Variants in ZNF276 observed in about 807,000 individuals in gnomAD.
The protein encoded by ZNF276 is centromere protein Z.
A neutral mutation model predicts 63.9 loss-of-function variants in ZNF276; 59 were observed. The ratio of observed to expected loss-of-function variants is 0.92; its 90% CI spans 0.75 to 1.15. ZNF276 has a LOEUF of 1.15. ZNF276 is among the 50% of genes most tolerant of loss of function. ZNF276 has a pLI of 0.00. For synonymous variants in ZNF276, 496 were observed against 348.4 expected (o/e 1.42, Z -4.72); for missense variants, 1,084 against 843.8 (o/e 1.28, Z -3.53).
Position 89,727,263 on chromosome 16 carries a change from G to C in ZNF276, c.1007-16G>C, listed in dbSNP as rs866685182. ...GCTCCGTGTTGGTAACAGGAGCCTT[G>C]TTCTTTGTTTCTCAGGGCAGTTGGG... On this transcript the variant is annotated splice_polypyrimidine_tract_variant and intron_variant, in intron 4 of 10. Coordinates refer to ENST00000443381, the MANE Select transcript of ZNF276 (RefSeq NM_001113525.2). 6.2e-7 allele frequency: 1 copy of C among 1,613,826 alleles called. No individual in the cohort carries two copies. Among genetic ancestry groups the C allele is most frequent in the African/African-American group, 1.3e-5 (1 of 74,918 alleles).
At position 89,723,366 on chromosome 16, in the gene ZNF276, C is replaced by T. The variant is rs1341453162; in HGVS notation, c.663C>T (p.Ser221=). 47 of 1,612,942 alleles carry T rather than the reference C, an allele frequency of 2.9e-5. No homozygotes were observed. The highest frequency in any genetic ancestry group is 1.6e-4 in the Middle Eastern group (1 of 6,084). ...GALPHLQRTL[S]SEYCGVIQVV... ...TGCCCCACCTTCAGAGGACACTGTC[C>T]TCCGAGTACTGCGGCGTCATCCAGG... The change falls in exon 4 of 11, where the codon TCC becomes TCT. Residue 221 remains serine (S), a synonymous_variant. Transcript: ENST00000443381.
In ZNF276 at chr16:89,723,729, G is replaced by GGT. The variant is rs759704520; in HGVS notation, c.1006+22_1006+23dup. The GGT allele has an allele frequency of 3.1e-6, 5 of 1,600,224 alleles. No homozygotes were observed. Among genetic ancestry groups the GGT allele is most frequent in the Non-Finnish European group, 4.3e-6 (5 of 1,173,430 alleles). ...CCCCAGGTAGGAGGCACCTCTTGCT[G>GGT]GTGCTAGACCAGGATGTGTGCTCCT... On this transcript the variant is annotated intron_variant, in intron 4 of 10. Transcript: ENST00000443381.
At chr16:89,724,715 G>A (rs899487310) in intron 4 of ZNF276, among the ~76,000 whole-genome samples, 17 of 152,298 alleles carry the variant, frequency 1.1e-4, no homozygotes, top group Admixed American at 9.2e-4. Flanking sequence ...TGCGGCTCGG[G>A]GGCCTCAGGT....
chr16:89,736,954 CGAAGA>C (rs1266272104), intron 9 of ZNF276, among the ~76,000 whole-genome samples: 1 of 152,022 alleles, frequency 6.6e-6, no homozygotes, highest in Non-Finnish European at 1.5e-5. Flanking sequence ...GGTTTCCCTT[CGAAGA>C]GAAAAGTCTG....
rs944748172 is a variant in ZNF276 at position 89,737,574 on chromosome 16, C to G, written c.1475-232C>G. 5.7e-6 allele frequency: 4 copies of G among 700,400 alleles called. No individual in the cohort carries two copies. The African/African-American group carries it at 7.2e-5, about 13-fold the overall frequency. 43.4% of individuals were successfully genotyped at this position (700,400 alleles called of 1,614,324 possible). On this transcript the variant is annotated intron_variant, in intron 9 of 10. Coordinates refer to ENST00000443381, the MANE Select transcript of ZNF276 (RefSeq NM_001113525.2). ...TTAAGGAAATAGCTTTCTGAGGTTT[C>G]TTTAAAAACCATCCTGAAATGCACA... is the stretch of plus-strand genomic sequence containing the variant.
intron 5 of ZNF276, among the ~76,000 whole-genome samples, chr16:89,728,169 C>T (rs898658071): frequency 5.3e-5 from 8 of 151,342 alleles, no homozygotes; most frequent in African/African-American, 1.5e-4. Context: ...GACACAAAAC[C>T]GCAGCTGAGG....
chr16:89,737,057 G>C (rs755764677), intron 9 of ZNF276, among the ~76,000 whole-genome samples: 9 of 152,166 alleles, frequency 5.9e-5, no homozygotes, highest in Admixed American at 1.3e-4. Flanking sequence ...TTGTGGACTA[G>C]CAAGTGAGAT....
intron 8 of ZNF276, 125 bp from the exon 9 acceptor site, chr16:89,733,796 C>A: frequency 2.1e-6 from 2 of 941,904 alleles, no homozygotes; most frequent in Non-Finnish European, 3.3e-6. Context: ...TGTGAAGGAG[C>A]CAGTGGTGTC....
chr16:89,736,838 G>A (rs72807547), intron 9 of ZNF276, among the ~76,000 whole-genome samples: 1,693 of 151,216 alleles, frequency 0.011, 18 homozygotes, highest in Admixed American at 0.018. Context: ...CTGGGAGGTG[G>A]AGTTTCCAGT....
In ZNF276 at chr16:89,738,258, A is replaced by G. The variant is rs750033857; in HGVS notation, c.*12A>G. The stretch of plus-strand genomic sequence containing the variant: ...CCGAACCCACCTGAGGACGGCAGTG[A>G]GGATGAGCACCTCTAGCAGCCTGGA... On this transcript the variant is annotated 3_prime_UTR_variant, in exon 11 of 11. Transcript: ENST00000443381. The G allele has an allele frequency of 4.4e-6, 7 of 1,587,982 alleles. No individual in the cohort carries two copies. Among genetic ancestry groups the G allele is most frequent in the Non-Finnish European group, 6.0e-6 (7 of 1,168,206 alleles).
At position 89,738,558 on chromosome 16, in the gene ZNF276, T is replaced by G. The variant is rs368670194; in HGVS notation, c.*312T>G. ...AGCTCCATGTTATGCTTGTAATAAA[T>G]TATTTACACGGGAGCTGGGCTGGTG... On this transcript the variant is annotated 3_prime_UTR_variant, in exon 11 of 11. Transcript: ENST00000443381. 6.2e-7 allele frequency: 1 copy of G among 1,612,308 alleles called. No individual in the cohort carries two copies. The highest frequency in any genetic ancestry group is 1.1e-5 in the South Asian group (1 of 91,014).
rs201494304 is a variant in ZNF276, at chr16:89,738,910, G to T, written c.*664G>T. 1.2e-6 allele frequency: 2 copies of T among 1,614,226 alleles called. No individual in the cohort carries two copies. Among genetic ancestry groups the T allele is most frequent in the Admixed American group, 3.3e-5 (2 of 60,024 alleles). ...TGCCACGTGTGAGAAGCTCTTTTTC[G>T]GGCACCGAGGTATTAACTGCAGCAG... is the stretch of plus-strand genomic sequence containing the variant. On this transcript the variant is annotated 3_prime_UTR_variant, in exon 11 of 11. Transcript: ENST00000443381.
In ZNF276 at chr16:89,721,678, G is replaced by A. The variant is rs1371245287; in HGVS notation, c.38G>A (p.Gly13Glu). The A allele has an allele frequency of 6.9e-7, 1 of 1,439,838 alleles. No homozygotes were observed. The highest frequency in any genetic ancestry group is 3.1e-5 in the East Asian group (1 of 32,776). 89.2% of individuals were successfully genotyped at this position (1,439,838 alleles called of 1,614,324 possible). ...RDRLGRFLSP[G>E]SSRQCGASDG... is the part of the protein sequence containing the mutation. ...CGGCTGGGCCGCTTCCTGTCTCCTG[G>A]GTCGTCCCGACAGTGCGGGGCCTCG... Residue 13 changes from glycine (G) to glutamate (E), a missense_variant, in exon 1 of 11, where the codon GGG (glycine) becomes GAG (glutamate). Coordinates refer to ENST00000443381, the MANE Select transcript of ZNF276 (RefSeq NM_001113525.2).
intron 6 of ZNF276, 133 bp downstream of exon 6, chr16:89,729,451 G>A (rs11640450): frequency 0.05 from 39,377 of 794,770 alleles, 1,472 homozygotes; most frequent in East Asian, 0.14. Flanking sequence ...CCAGTGAAAC[G>A]TGGCTTCCCT....
At chr16:89,727,475 C>T in intron 5 of ZNF276, 118 bp downstream of exon 5, 1 of 1,208,604 alleles carries the variant, frequency 8.3e-7, no homozygotes. Flanking sequence ...CTTCAAAAAC[C>T]AAACAGCCAT....
Position 89,740,466 on chromosome 16 carries a change from C to G in ZNF276, c.*2220C>G, listed in dbSNP as rs1304713989. ...GCCTGGCAATATGGTGAAACCCCGT[C>G]TCTACTAAAAATACAAAAATTAGCC... On this transcript the variant is annotated 3_prime_UTR_variant, in exon 11 of 11. Transcript: ENST00000443381. The G allele has an allele frequency of 1.1e-5, 5 of 460,394 alleles. No homozygotes were observed. The highest frequency in any genetic ancestry group is 3.9e-5 in the African/African-American group (2 of 51,022). 28.5% of individuals were successfully genotyped at this position (460,394 alleles called of 1,614,324 possible). A position where few individuals can be genotyped will look rare whatever the true frequency, so the allele number is the denominator to read the frequency against.
Position 89,723,631 on chromosome 16 carries a change from C to G in ZNF276, c.928C>G (p.Pro310Ala). The change falls in exon 4 of 11, where the codon CCT (proline) becomes GCT (alanine). Residue 310 changes from proline to alanine, a missense_variant. Coordinates refer to ENST00000443381, the MANE Select transcript of ZNF276 (RefSeq NM_001113525.2). ...KTLPSTDVAQ[P>A]PSDSDAVGPR... Reference sequence around the variant, plus strand: ...CCTGCCCAGCACGGATGTGGCCCAGCCTCCTTCGGACAGCGACGCGGTGGG... The same window carrying G: ...CCTGCCCAGCACGGATGTGGCCCAGGCTCCTTCGGACAGCGACGCGGTGGG... The G allele has an allele frequency of 6.2e-7, 1 of 1,612,734 alleles. No homozygotes were observed. The highest frequency in any genetic ancestry group is 8.5e-7 in the Non-Finnish European group (1 of 1,180,016).
chr16:89,740,059 G>C lies in ZNF276; in HGVS notation c.*1813G>C. On this transcript the variant is annotated 3_prime_UTR_variant, in exon 11 of 11. Transcript: ENST00000443381. ...CCTCTTCTCTAAACACTCGAGGATT[G>C]CTGCACAAACGTGGAAAGCCTTTGG... 1 of 1,614,186 alleles carries C rather than the reference G, an allele frequency of 6.2e-7. No individual in the cohort carries two copies. The highest frequency in any genetic ancestry group is 8.5e-7 in the Non-Finnish European group (1 of 1,180,038).
chr16:89,739,144 G>A lies in ZNF276; in HGVS notation c.*898G>A, dbSNP rs2062053882. ...GCCCTTGCACCTGCCTGACCCTTGA[G>A]CTCCAGGCTCCTGCCAGCTGGAGGT... On this transcript the variant is annotated 3_prime_UTR_variant, in exon 11 of 11. Transcript: ENST00000443381. The A allele has an allele frequency of 5.0e-6, 8 of 1,614,138 alleles. No individual in the cohort carries two copies. The highest frequency in any genetic ancestry group is 6.8e-6 in the Non-Finnish European group (8 of 1,180,022).
Sources: gnomAD v4.1 joint callset for allele counts (sites outside exome capture counted in the v4.1 genomes callset) on GRCh38, gnomAD v4.1.1 for gene constraint, MANE v1.5 for transcripts, NCBI Gene and HGNC (gene_info 2026-07-23, HGNC 2026-07-21) for gene names.